Variants in DAB1 observed in about 807,000 individuals in gnomAD.
DAB1 encodes disabled homolog 1.
In DAB1, 15 loss-of-function variants were observed where a neutral mutation model predicts 64.6. The observed-to-expected ratio is 0.23, with a 90% CI of 0.16 to 0.36. DAB1 has a LOEUF of 0.36. Ranked by LOEUF, DAB1 falls within the 10% of genes least tolerant of loss-of-function variation. The probability of loss-of-function intolerance (pLI) is 1.00; values close to 1 mark genes in which losing one functional copy is unlikely to be tolerated. For synonymous variants in DAB1, 235 were observed against 251.9 expected, an observed-to-expected ratio of 0.93 and a Z score of 0.64; for missense variants, 596 against 706.7, an observed-to-expected ratio of 0.84 and a Z score of 1.78.
At chr1:58,418,993 T>C (rs1264418061) in intron 3 of DAB1, among the ~76,000 whole-genome samples, 1 of 152,194 alleles carries the variant, frequency 6.6e-6, no homozygotes, top group African/African-American at 2.4e-5. Flanking sequence ...TTAGGGTGAA[T>C]TCTTAAGAGC....
At chr1:58,174,188 C>A (rs1656332267) in intron 4 of DAB1, among the ~76,000 whole-genome samples, 1 of 152,152 alleles carries the variant, frequency 6.6e-6, no homozygotes, top group South Asian at 2.1e-4. Flanking sequence ...GAAATGTCAC[C>A]TGGCATTTAC....
intron 2 of DAB1, among the ~76,000 whole-genome samples, chr1:57,211,312 T>A (rs1665986650): frequency 6.6e-6 from 1 of 152,112 alleles, no homozygotes. Context: ...CCAAGGACCA[T>A]CTTGAGGGAT....
intron 1 of DAB1, among the ~76,000 whole-genome samples, chr1:57,325,100 T>C (rs150487406): frequency 1.1e-4 from 17 of 152,356 alleles, no homozygotes; most frequent in African/African-American, 4.1e-4. Flanking sequence ...TTGCTTTTAC[T>C]TTGCAATGAA....
chr1:57,474,353 C>G (rs1212409464), intron 7 of DAB1, among the ~76,000 whole-genome samples: 1 of 152,130 alleles, frequency 6.6e-6, no homozygotes. Flanking sequence ...ATCTTACAGC[C>G]ACGAAAACAA....
chr1:57,507,283 C>G (rs1644355345), intron 7 of DAB1, among the ~76,000 whole-genome samples: 1 of 152,222 alleles, frequency 6.6e-6, no homozygotes. Context: ...TTATGGAGCT[C>G]TGCTCAAGAG....
intron 2 of DAB1, among the ~76,000 whole-genome samples, chr1:57,273,596 T>G (rs367552604): frequency 5.1e-5 from 6 of 116,774 alleles, no homozygotes; most frequent in Admixed American, 1.8e-4. Flanking sequence ...CCTTCCTTCC[T>G]TCCTTCCTTC....
chr1:58,503,358 C>T (rs1236336071), intron 3 of DAB1, among the ~76,000 whole-genome samples: 2 of 152,126 alleles, frequency 1.3e-5, no homozygotes, highest in Non-Finnish European at 2.9e-5. Context: ...TACATAATGT[C>T]CCATGCCTAT....
intron 6 of DAB1, among the ~76,000 whole-genome samples, chr1:57,784,365 G>A (rs951765554): frequency 2.0e-5 from 3 of 152,128 alleles, no homozygotes; most frequent in Admixed American, 2.0e-4. Context: ...CTGCACTTAG[G>A]CTGGGTGTTG....
intron 7 of DAB1, among the ~76,000 whole-genome samples, chr1:57,463,441 T>A (rs1369354603): frequency 6.6e-6 from 1 of 152,142 alleles, no homozygotes; most frequent in Non-Finnish European, 1.5e-5. Context: ...GTAGCAGAGT[T>A]TAGCTGTACA....
chr1:58,061,080 G>C (rs1485855021), intron 5 of DAB1, among the ~76,000 whole-genome samples: 1 of 152,182 alleles, frequency 6.6e-6, no homozygotes, highest in East Asian at 1.9e-4. Flanking sequence ...GGATGCTCAG[G>C]TCTGACGTGG....
At chr1:57,438,596 G>C (rs891840834) in intron 7 of DAB1, among the ~76,000 whole-genome samples, 1 of 152,130 alleles carries the variant, frequency 6.6e-6, no homozygotes, top group Non-Finnish European at 1.5e-5. Flanking sequence ...AGGAGGAGGA[G>C]GAGGAAGAGG....
rs1296354533 is a variant in DAB1, at chr1:58,433,214, A to C, written n.257+72846T>G. Among the ~76,000 whole-genome samples, 8 of 152,294 alleles carry C rather than the reference A, an allele frequency of 5.3e-5. No individual in the cohort carries two copies. In the East Asian group the frequency reaches 1.5e-3, roughly 29 times the overall value. On this transcript the variant is annotated intron_variant and non_coding_transcript_variant, in intron 3 of 20. Coordinates refer to the DAB1 transcript ENST00000485760. ...GTGGGTACTTTACACAGGCAGTCTT[A>C]ACTATCCCTCTTAACAAAAAGCCCT...
At chr1:57,331,347 A>G (rs997921929) in intron 1 of DAB1, among the ~76,000 whole-genome samples, 1 of 151,580 alleles carries the variant, frequency 6.6e-6, no homozygotes, top group Non-Finnish European at 1.5e-5. Flanking sequence ...TATTATTCCT[A>G]TGTTACAAAT....
intron 6 of DAB1, among the ~76,000 whole-genome samples, chr1:57,714,139 G>A (rs546645190): frequency 6.6e-6 from 1 of 151,086 alleles, no homozygotes; most frequent in Non-Finnish European, 1.5e-5. Flanking sequence ...AATGAGCTAT[G>A]CATTTACTAC....
chr1:58,284,460 G>C (rs533006354), intron 4 of DAB1, among the ~76,000 whole-genome samples: 1 of 152,352 alleles, frequency 6.6e-6, no homozygotes, highest in African/African-American at 2.4e-5. Flanking sequence ...GGCTTCTCCA[G>C]TCACACAGAG....
At chr1:58,224,534 C>T (rs901408414) in intron 4 of DAB1, among the ~76,000 whole-genome samples, 4 of 152,136 alleles carry the variant, frequency 2.6e-5, no homozygotes, top group Non-Finnish European at 5.9e-5. Context: ...AGGCAACTAT[C>T]AATCTCTTCC....
At position 58,536,863 on chromosome 1, in the gene DAB1, GA is replaced by G. The variant is rs1382369084; in HGVS notation, n.33-9529del. The G allele has an allele frequency of 8.0e-6, 5 of 624,788 alleles. No homozygotes were observed. In the Admixed American group the frequency reaches 1.4e-4, roughly 18 times the overall value. 38.7% of individuals were successfully genotyped at this position (624,788 alleles called of 1,614,324 possible). A position where few individuals can be genotyped will look rare whatever the true frequency, so the allele number is the denominator to read the frequency against. ...CTGAATTTGTATGATGTATTTCGCT[GA>G]ATACATCGCTTTTCCAATTAATAAA... On this transcript the variant is annotated intron_variant and non_coding_transcript_variant, in intron 1 of 20. Coordinates refer to the DAB1 transcript ENST00000485760.
intron 4 of DAB1, among the ~76,000 whole-genome samples, chr1:58,319,801 G>A (rs574805673): frequency 3.9e-5 from 6 of 152,252 alleles, no homozygotes; most frequent in East Asian, 1.9e-4. Flanking sequence ...AACAACAGGC[G>A]TTGTCCAATA....
chr1:58,025,243 G>A (rs987930374), intron 5 of DAB1, among the ~76,000 whole-genome samples: 1 of 151,954 alleles, frequency 6.6e-6, no homozygotes, highest in African/African-American at 2.4e-5. Context: ...TTATGTTGCT[G>A]GAAGTGTTTT....
Sources: gnomAD v4.1 joint callset for allele counts (sites outside exome capture counted in the v4.1 genomes callset) on GRCh38, gnomAD v4.1.1 for gene constraint, MANE v1.5 for transcripts, NCBI Gene and HGNC (gene_info 2026-07-23, HGNC 2026-07-21) for gene names.